TTLL5: variants seen among roughly 807,000 people sequenced by gnomAD.
TTLL5 encodes tubulin polyglutamylase TTLL5.
A neutral mutation model predicts 168.4 loss-of-function variants in TTLL5; 132 were observed. The ratio of observed to expected loss-of-function variants is 0.78; its 90% CI spans 0.68 to 0.91. The LOEUF (loss-of-function observed/expected upper bound fraction) is 0.91, where lower values mean the gene tolerates loss of function less well. TTLL5 is among the 40% of genes least tolerant of loss of function. TTLL5 has a pLI of 0.00. For synonymous variants in TTLL5, 546 were observed against 558.6 expected, an observed-to-expected ratio of 0.98 and a Z score of 0.32; for missense variants, 1,545 against 1,581.5, an observed-to-expected ratio of 0.98 and a Z score of 0.39.
At chr14:75,844,120 A>G (rs1242558388) in intron 28 of TTLL5, among the ~76,000 whole-genome samples, 1 of 151,758 alleles carries the variant, frequency 6.6e-6, no homozygotes, top group Non-Finnish European at 1.5e-5. Context: ...TGACCTCATG[A>G]TCCGCCCGCC....
At chr14:75,851,990 A>G (rs1262271238) in intron 28 of TTLL5, among the ~76,000 whole-genome samples, 2 of 152,248 alleles carry the variant, frequency 1.3e-5, no homozygotes, top group Non-Finnish European at 2.9e-5. Flanking sequence ...TATGCATGCC[A>G]TGTGCTAAAC....
rs374990749 is a variant in TTLL5, at chr14:75,813,786, G to A, written c.3172-6221G>A. 3.3e-5 allele frequency among the ~76,000 whole-genome samples: 5 copies of A among 149,330 alleles called. No individual in the cohort carries two copies. The East Asian group carries it at 7.9e-4, about 23-fold the overall frequency. On this transcript the variant is annotated intron_variant, in intron 27 of 31. Coordinates refer to ENST00000298832, the MANE Select transcript of TTLL5 (RefSeq NM_015072.5). ...GTTTTTCACTTAAAGATGTTGATTAGCTTTACCAGTAGGGCATGTTCTTTG... is the reference window on the plus strand; with the variant it reads ...GTTTTTCACTTAAAGATGTTGATTAACTTTACCAGTAGGGCATGTTCTTTG...
chr14:75,698,205 A>G (rs1886005903), intron 6 of TTLL5, among the ~76,000 whole-genome samples: 1 of 152,146 alleles, frequency 6.6e-6, no homozygotes, highest in African/African-American at 2.4e-5. Flanking sequence ...GACACTCCCT[A>G]AGTGGAAGAC....
At chr14:75,738,865 C>T (rs1010390898) in intron 15 of TTLL5, among the ~76,000 whole-genome samples, 2 of 152,114 alleles carry the variant, frequency 1.3e-5, no homozygotes, top group East Asian at 1.9e-4. Flanking sequence ...AGTGCAGTGA[C>T]GCGATCACAG....
At chr14:75,929,538 G>A (rs1017147059) in intron 31 of TTLL5, among the ~76,000 whole-genome samples, 8 of 137,906 alleles carry the variant, frequency 5.8e-5, no homozygotes, top group South Asian at 2.3e-4. Context: ...TGCAACCTCC[G>A]CTTCCGGGTT....
At chr14:75,885,899 A>G (rs2032091625) in intron 30 of TTLL5, among the ~76,000 whole-genome samples, 1 of 152,218 alleles carries the variant, frequency 6.6e-6, no homozygotes. Flanking sequence ...AGTGTTAGGT[A>G]CTATTATGCA....
At chr14:75,760,656 G>A (rs1230871776) in intron 18 of TTLL5, among the ~76,000 whole-genome samples, 1 of 151,996 alleles carries the variant, frequency 6.6e-6, no homozygotes. Context: ...CATTTATATG[G>A]TCAAAGTAAT....
In TTLL5 at chr14:75,757,237, C is replaced by G. The variant is rs180999475; in HGVS notation, c.1550+4282C>G. Among the ~76,000 whole-genome samples the G allele has an allele frequency of 1.6e-4, 25 of 152,296 alleles. No homozygotes were observed. In the East Asian group the frequency reaches 4.4e-3, roughly 27 times the overall value. On this transcript the variant is annotated intron_variant, in intron 18 of 31. Coordinates refer to ENST00000298832, the MANE Select transcript of TTLL5 (RefSeq NM_015072.5). The stretch of plus-strand genomic sequence containing the variant: ...AGGCAATCCCCCTGCTTCGGCCAGC[C>G]AAAGTGCTAGGATTACAGCTGTGAG...
At chr14:75,885,746 A>C (rs2032082042) in intron 30 of TTLL5, among the ~76,000 whole-genome samples, 1 of 152,214 alleles carries the variant, frequency 6.6e-6, no homozygotes. Context: ...CCAGCATAGC[A>C]AGTTACTCAA....
At chr14:75,688,400 T>G (rs1206559824) in intron 5 of TTLL5, among the ~76,000 whole-genome samples, 2 of 152,376 alleles carry the variant, frequency 1.3e-5, no homozygotes, top group Non-Finnish European at 1.5e-5. Context: ...ATAGAGGTTC[T>G]GTGCCTCCTT....
intron 13 of TTLL5, among the ~76,000 whole-genome samples, chr14:75,733,044 T>A (rs1369282163): frequency 1.3e-5 from 2 of 152,264 alleles, no homozygotes; most frequent in Non-Finnish European, 2.9e-5. Flanking sequence ...TAGAGATTTA[T>A]GCCAAAGACC....
At chr14:75,673,467 C>A (rs942350667) in intron 3 of TTLL5, among the ~76,000 whole-genome samples, 1 of 151,866 alleles carries the variant, frequency 6.6e-6, no homozygotes, top group African/African-American at 2.4e-5. Context: ...CACTTGGGTT[C>A]TCAGCCATTG....
At chr14:75,791,661 G>C (rs980240850) in intron 26 of TTLL5, among the ~76,000 whole-genome samples, 48 of 152,076 alleles carry the variant, frequency 3.2e-4, no homozygotes, top group African/African-American at 1.1e-3. Flanking sequence ...TGAGTTCACA[G>C]GTGTTCATTA....
chr14:75,792,815 G>T, intron 26 of TTLL5, 101 bp from the exon 27 acceptor site: 1 of 1,000,180 alleles, frequency 1.0e-6, no homozygotes, highest in Non-Finnish European at 1.4e-6. Flanking sequence ...GATCCTTAGG[G>T]TTCAGTAAAG....
At chr14:75,733,367 C>T (rs992370821) in intron 13 of TTLL5, among the ~76,000 whole-genome samples, 9 of 152,098 alleles carry the variant, frequency 5.9e-5, no homozygotes, top group African/African-American at 1.2e-4. Flanking sequence ...CCGTCACTGC[C>T]GCAGGGAGGC....
chr14:75,740,490 G>A (rs190134975), intron 15 of TTLL5, among the ~76,000 whole-genome samples: 57 of 152,140 alleles, frequency 3.7e-4, no homozygotes, highest in Non-Finnish European at 7.8e-4. Flanking sequence ...TAAGTGGTTT[G>A]GGTAAGTTTT....
rs143440366 is a variant in TTLL5 at position 75,735,681 on chromosome 14, A to G, written c.1281+392A>G. 2.1e-3 allele frequency among the ~76,000 whole-genome samples: 319 copies of G among 152,314 alleles called. 1 individual carries two copies. The highest frequency in any genetic ancestry group is 4.1e-3 in the Non-Finnish European group (277 of 68,014). On this transcript the variant is annotated intron_variant, in intron 15 of 31. Transcript: ENST00000298832. The stretch of plus-strand genomic sequence containing the variant: ...CTTTGTAAAGAAGATGCTTTGTTGA[A>G]ATAGTATCTTCTCTACAAGTAATTC...
chr14:75,779,151 A>C (rs953223826), intron 23 of TTLL5, among the ~76,000 whole-genome samples: 3 of 152,234 alleles, frequency 2.0e-5, no homozygotes, highest in African/African-American at 7.2e-5. Flanking sequence ...GCTGGGGGCC[A>C]TAAAAACAAG....
intron 21 of TTLL5, among the ~76,000 whole-genome samples, chr14:75,772,159 A>G (rs1158239729): frequency 6.6e-6 from 1 of 152,198 alleles, no homozygotes; most frequent in African/African-American, 2.4e-5. Flanking sequence ...GCCCTGTGCA[A>G]AGCCCTTTAA....
Sources: allele counts gnomAD v4.1 joint callset (sites outside exome capture counted in the v4.1 genomes callset), GRCh38; gene constraint gnomAD v4.1.1; transcripts MANE v1.5; gene names NCBI Gene and HGNC (gene_info 2026-07-23, HGNC 2026-07-21).